The following LRRC9 variants were observed in gnomAD, a reference collection of about 807,000 sequenced individuals.
LRRC9 encodes leucine rich repeat containing 9, also known as leucine-rich repeat-containing protein 9.
Under a neutral mutation model 63.2 loss-of-function variants are expected in LRRC9, and 122 were observed. That is an observed-to-expected ratio of 1.93 (90% CI 1.67 to 2.24). LRRC9 has a LOEUF of 2.24. Ranked by LOEUF, LRRC9 falls within the 30% of genes most tolerant of loss-of-function variation. The pLI is 0.00. For missense variants in LRRC9, 1,071 were observed against 627.7 expected, an observed-to-expected ratio of 1.71 and a Z score of -7.55; for synonymous variants, 366 against 213.1, an observed-to-expected ratio of 1.72 and a Z score of -6.25.
intron 6 of LRRC9, among the ~76,000 whole-genome samples, chr14:59,935,235 A>C (rs1047835820): frequency 1.3e-5 from 2 of 151,666 alleles, no homozygotes; most frequent in African/African-American, 4.8e-5. Context: ...CGGAGGTTGC[A>C]GTGAGCTGAG....
intron 20 of LRRC9, among the ~76,000 whole-genome samples, chr14:60,002,453 T>G (rs1889458288): frequency 2.0e-5 from 3 of 152,148 alleles, no homozygotes; most frequent in Non-Finnish European, 4.4e-5. Context: ...ACCACTATTC[T>G]ACTCTCTCCT....
intron 19 of LRRC9, among the ~76,000 whole-genome samples, 154 bp from the exon 20 acceptor site, chr14:60,001,812 A>C (rs376365082): frequency 6.6e-6 from 1 of 152,214 alleles, no homozygotes; most frequent in East Asian, 1.9e-4. Flanking sequence ...AAATGTATCT[A>C]GATATTGAAA....
chr14:59,966,890 A>G lies in LRRC9; in HGVS notation c.1388+125A>G. ...CCTTGTTAGTAAATGTTTCCTTTTT[A>G]TGCATCTCCCATGGCCAGGATGACC... On this transcript the variant is annotated intron_variant, in intron 11 of 31. Coordinates refer to ENST00000445360, the Ensembl canonical transcript of LRRC9. This position sits in a 1 kb window ranked among gnomAD's most constrained non-coding sequence, Gnocchi z 4.0. 1.8e-6 allele frequency: 1 copy of G among 555,968 alleles called. No individual in the cohort carries two copies. Among genetic ancestry groups the G allele is most frequent in the Non-Finnish European group, 3.2e-6 (1 of 311,430 alleles). The allele number at this position is 555,968 out of a possible 1,614,324, so 34.4% of individuals were successfully genotyped here. A position where few individuals can be genotyped will look rare whatever the true frequency, so the allele number is the denominator to read the frequency against.
chr14:60,014,200 T>C (rs1290146798), intron 23 of LRRC9, among the ~76,000 whole-genome samples: 2 of 152,086 alleles, frequency 1.3e-5, no homozygotes, highest in Admixed American at 6.6e-5. Context: ...TTCCAGTCTA[T>C]TTCTTCTCTC....
intron 30 of LRRC9, among the ~76,000 whole-genome samples, chr14:60,055,790 A>T (rs929793975): frequency 2.0e-5 from 3 of 151,154 alleles, no homozygotes; most frequent in Non-Finnish European, 4.4e-5. Context: ...CTGTAGTCTC[A>T]GCTACTCAGG....
At chr14:59,992,827 CTGAT>C (rs978440701) in intron 17 of LRRC9, among the ~76,000 whole-genome samples, 6 of 152,204 alleles carry the variant, frequency 3.9e-5, no homozygotes, top group Admixed American at 3.9e-4. Flanking sequence ...CAAATTACGT[CTGAT>C]TGGTGTACCC....
rs1355657622 is a variant in LRRC9, at chr14:60,012,659, A to G, written c.3187-4001A>G. Among the ~76,000 whole-genome samples, 4 of 152,226 alleles carry G rather than the reference A, an allele frequency of 2.6e-5. 1 individual carries two copies. Among genetic ancestry groups the G allele is most frequent in the Non-Finnish European group, 5.9e-5 (4 of 68,032 alleles). On this transcript the variant is annotated intron_variant, in intron 23 of 31. Transcript: ENST00000445360. ...TGACCTGCCACCTATTTTAGTAAATAAAACTTTATTGGAACACATCCATGC... is the reference window on the plus strand; with the variant it reads ...TGACCTGCCACCTATTTTAGTAAATGAAACTTTATTGGAACACATCCATGC...
chr14:59,927,378 G>T lies in LRRC9; in HGVS notation c.-33-533G>T, dbSNP rs1215516454. On this transcript the variant is annotated intron_variant, in intron 1 of 31. Coordinates refer to ENST00000445360, the Ensembl canonical transcript of LRRC9. This position sits in a 1 kb window ranked among gnomAD's most constrained non-coding sequence, Gnocchi z 4.4. The stretch of plus-strand genomic sequence containing the variant: ...AGTATTAGTTGGTTCATATTCTCTA[G>T]AATGAAGGAGAAGTTGGAGTATTTA... Among the ~76,000 whole-genome samples the T allele has an allele frequency of 6.6e-6, 1 of 151,982 alleles. No individual in the cohort carries two copies. The highest frequency in any genetic ancestry group is 1.5e-5 in the Non-Finnish European group (1 of 67,922).
In LRRC9 at chr14:59,938,692, T is replaced by C. The variant is rs1401997986; in HGVS notation, c.726+120T>C. 6.3e-6 allele frequency: 3 copies of C among 476,442 alleles called. No individual in the cohort carries two copies. The highest frequency in any genetic ancestry group is 4.0e-5 in the African/African-American group (2 of 49,410). 29.5% of individuals were successfully genotyped at this position (476,442 alleles called of 1,614,324 possible). A position where few individuals can be genotyped will look rare whatever the true frequency, so the allele number is the denominator to read the frequency against. On this transcript the variant is annotated intron_variant, in intron 7 of 31. Coordinates refer to ENST00000445360, the Ensembl canonical transcript of LRRC9. The surrounding 1 kb of genome is among the most constrained non-coding windows in gnomAD (Gnocchi z 4.2). ...GTTCAGTTCTTGTTGCCAAGTCTGCTTTTGCCCTAGTGAACTGGATATTAC... is the reference window on the plus strand; with the variant it reads ...GTTCAGTTCTTGTTGCCAAGTCTGCCTTTGCCCTAGTGAACTGGATATTAC...
In LRRC9 at chr14:59,991,685, G is replaced by A. The variant is rs573613430; in HGVS notation, c.2212-5971G>A. 1.5e-3 allele frequency among the ~76,000 whole-genome samples: 227 copies of A among 152,278 alleles called. 1 individual carries two copies. The highest frequency in any genetic ancestry group is 2.3e-3 in the Non-Finnish European group (157 of 68,036). ...GGAGATTATATCCCGCGCATAGCTCGGAGGGTCCTACGCCCATGGAGCCTC... is the reference window on the plus strand; with the variant it reads ...GGAGATTATATCCCGCGCATAGCTCAGAGGGTCCTACGCCCATGGAGCCTC... On this transcript the variant is annotated intron_variant, in intron 17 of 31. Coordinates refer to ENST00000445360, the Ensembl canonical transcript of LRRC9.
chr14:59,992,360 G>GA (rs915158582), intron 17 of LRRC9, among the ~76,000 whole-genome samples: 3 of 152,110 alleles, frequency 2.0e-5, no homozygotes, highest in African/African-American at 4.8e-5. Context: ...CAAAGATGGG[G>GA]AAAAAACAGA....
chr14:60,031,073 G>A lies in LRRC9; in HGVS notation c.3922-922G>A, dbSNP rs533238105. On this transcript the variant is annotated intron_variant, in intron 28 of 31. Transcript: ENST00000445360. This position sits in a 1 kb window ranked among gnomAD's most constrained non-coding sequence, Gnocchi z 4.6. The stretch of plus-strand genomic sequence containing the variant: ...GAAAATAATGTAAGACTTTTCGCAT[G>A]TCCATGATTACTGATCAGGCTTTGG... Among the ~76,000 whole-genome samples, 10 of 152,116 alleles carry A rather than the reference G, an allele frequency of 6.6e-5. No individual in the cohort carries two copies. The highest frequency in any genetic ancestry group is 2.4e-4 in the African/African-American group (10 of 41,548).
chr14:59,953,681 A>G (rs1225245736), intron 8 of LRRC9, among the ~76,000 whole-genome samples: 1 of 151,994 alleles, frequency 6.6e-6, no homozygotes, highest in African/African-American at 2.4e-5. Context: ...CCCATTTGTC[A>G]ATTTTGACTT....
intron 29 of LRRC9, among the ~76,000 whole-genome samples, chr14:60,034,579 A>G (rs1453549585): frequency 6.6e-6 from 1 of 152,040 alleles, no homozygotes; most frequent in Non-Finnish European, 1.5e-5. Context: ...GCTCCCACAT[A>G]TGAGTGAGGA....
chr14:59,937,566 T>C (rs558764505), intron 6 of LRRC9, among the ~76,000 whole-genome samples: 1 of 152,038 alleles, frequency 6.6e-6, no homozygotes, highest in East Asian at 1.9e-4. Context: ...AGGAGCAGCA[T>C]GAGTAAAGGT....
chr14:60,001,969 T>C (rs1375121707), exon 20 of LRRC9: 3 of 654,336 alleles, frequency 4.6e-6, no homozygotes, highest in African/African-American at 3.7e-5. Flanking sequence ...TTATTAGTTA[T>C]CTCTCTTACG....
At chr14:59,999,463 G>T (rs965843055) in intron 19 of LRRC9, among the ~76,000 whole-genome samples, 2 of 151,796 alleles carry the variant, frequency 1.3e-5, no homozygotes, top group African/African-American at 4.8e-5. Context: ...ATACCTCTAG[G>T]GTAACTGCTT....
rs576703461 is a variant in LRRC9 at position 59,927,656 on chromosome 14, G to A, written c.-33-255G>A. ...TTCAAGTATTGAAGGCTCATCGTGTGGAAAAAAAGTTATACCGAGGAGGTA... is the reference window on the plus strand; with the variant it reads ...TTCAAGTATTGAAGGCTCATCGTGTAGAAAAAAAGTTATACCGAGGAGGTA... On this transcript the variant is annotated intron_variant, in intron 1 of 31. Coordinates refer to ENST00000445360, the Ensembl canonical transcript of LRRC9. This position sits in a 1 kb window ranked among gnomAD's most constrained non-coding sequence, Gnocchi z 4.4. Among the ~76,000 whole-genome samples, 7 of 151,884 alleles carry A rather than the reference G, an allele frequency of 4.6e-5. No individual in the cohort carries two copies. Among genetic ancestry groups the A allele is most frequent in the Non-Finnish European group, 8.8e-5 (6 of 67,806 alleles).
At chr14:60,021,584 C>T (rs796484898) in intron 26 of LRRC9, among the ~76,000 whole-genome samples, 4 of 151,866 alleles carry the variant, frequency 2.6e-5, no homozygotes, top group African/African-American at 9.6e-5. Flanking sequence ...AAGATGTTCT[C>T]TTGTTTTCTT....
Sources: gnomAD v4.1 joint callset for allele counts (sites outside exome capture counted in the v4.1 genomes callset) on GRCh38, gnomAD v4.1.1 for gene constraint, Gnocchi (gnomAD v3.1) non-coding constraint, MANE v1.5 for transcripts, NCBI Gene and HGNC (gene_info 2026-07-23, HGNC 2026-07-21) for gene names.